The following HDGFL3 variants were observed in gnomAD, a reference collection of about 807,000 sequenced individuals.
HDGFL3 encodes HDGF like 3.
Under a neutral mutation model 27.6 loss-of-function variants are expected in HDGFL3, and 6 were observed. The observed-to-expected ratio is 0.22, with a 90% CI of 0.12 to 0.43. HDGFL3 has a LOEUF of 0.43. Among genes scored for constraint, HDGFL3 ranks in the 20% least tolerant of loss-of-function variants. HDGFL3 has a pLI of 1.00. For missense variants in HDGFL3, 207 were observed against 250.1 expected (o/e 0.83, Z 1.16); for synonymous variants, 88 against 88.9 (o/e 0.99, Z 0.05).
At chr15:83,173,097 A>G (rs996998780) in intron 1 of HDGFL3, among the ~76,000 whole-genome samples, 15 of 152,220 alleles carry the variant, frequency 9.9e-5, no homozygotes, top group African/African-American at 3.6e-4. Context: ...AACAAACCTT[A>G]TCATTCTTGA....
At chr15:83,195,102 T>C (rs956055172) in intron 1 of HDGFL3, among the ~76,000 whole-genome samples, 3 of 152,216 alleles carry the variant, frequency 2.0e-5, no homozygotes, top group African/African-American at 7.2e-5. Flanking sequence ...CCAGTCTTTT[T>C]GTAATAAATT....
At chr15:83,171,779 C>T (rs1347533702) in intron 1 of HDGFL3, among the ~76,000 whole-genome samples, 2 of 152,080 alleles carry the variant, frequency 1.3e-5, no homozygotes, top group Non-Finnish European at 2.9e-5. Flanking sequence ...GAAAACCTAA[C>T]CATTGGATAC....
At chr15:83,121,847 T>C (rs2035282117) in intron 3 of HDGFL3, 2 of 1,055,176 alleles carry the variant, frequency 1.9e-6, no homozygotes, top group Non-Finnish European at 2.9e-6. Context: ...CAAAATAATA[T>C]TGAAGATCAT....
chr15:83,161,672 A>G (rs1053775680), intron 2 of HDGFL3, among the ~76,000 whole-genome samples: 3 of 152,188 alleles, frequency 2.0e-5, no homozygotes, highest in African/African-American at 7.2e-5. Flanking sequence ...ACAACTGGCC[A>G]TGTTAGCTAC....
chr15:83,124,792 C>T (rs1782908165), downstream of HDGFL3: 3 of 1,578,652 alleles, frequency 1.9e-6, no homozygotes, highest in Non-Finnish European at 2.6e-6. Flanking sequence ...CATAACAGAT[C>T]ATAATAACGT....
chr15:83,188,312 G>A (rs2037470960), intron 1 of HDGFL3, among the ~76,000 whole-genome samples: 2 of 152,248 alleles, frequency 1.3e-5, no homozygotes, highest in South Asian at 4.1e-4. Context: ...GGAGGGCAGT[G>A]GTGATCTCAG....
chr15:83,164,190 T>C lies in HDGFL3; in HGVS notation c.85-115A>G, dbSNP rs75178382. The C allele has an allele frequency of 6.9e-3, 4,739 of 690,254 alleles. 164 individuals are homozygous for C. In the African/African-American group the frequency reaches 0.08, roughly 12 times the overall value. 42.8% of individuals were successfully genotyped at this position (690,254 alleles called of 1,614,324 possible). ...AAAATCAATCAAAACTCAGATAGTT[T>C]TTTAGAACTTTACAAAATGATTCTA... On this transcript the variant is annotated intron_variant, in intron 1 of 5. Coordinates refer to ENST00000299633, the MANE Select transcript of HDGFL3 (RefSeq NM_016073.4).
rs112519401 is a variant in HDGFL3, at chr15:83,186,396, A to C, written c.84+20935T>G. 1.7e-3 allele frequency among the ~76,000 whole-genome samples: 264 copies of C among 152,326 alleles called. 2 individuals are homozygous for C. Among genetic ancestry groups the C allele is most frequent in the African/African-American group, 6.1e-3 (253 of 41,574 alleles). On this transcript the variant is annotated intron_variant, in intron 1 of 5. Coordinates refer to ENST00000299633, the MANE Select transcript of HDGFL3 (RefSeq NM_016073.4). ...ACTACTAGCTGCTTATGGATTTGAT[A>C]TTAACCTATTGTAATTTCCATTCTA...
At chr15:83,198,254 CTG>C (rs1273073822) in intron 1 of HDGFL3, among the ~76,000 whole-genome samples, 9 of 152,000 alleles carry the variant, frequency 5.9e-5, no homozygotes, top group African/African-American at 2.2e-4. Flanking sequence ...TCATGTAAGA[CTG>C]TGGCTACAGC....
intron 4 of HDGFL3, 67 bp from the exon 5 acceptor site, chr15:83,151,428 C>A: frequency 7.4e-7 from 1 of 1,348,798 alleles, no homozygotes; most frequent in Non-Finnish European, 1.0e-6. Context: ...GTAAGAGATG[C>A]AGAAATAGCT....
chr15:83,182,268 T>C (rs1236564824), intron 1 of HDGFL3, among the ~76,000 whole-genome samples: 3 of 152,348 alleles, frequency 2.0e-5, no homozygotes, highest in East Asian at 3.9e-4. Context: ...TTAGTAGGCA[T>C]GAAGTAGTAT....
At chr15:83,161,949 A>G (rs2037106965) in intron 2 of HDGFL3, among the ~76,000 whole-genome samples, 1 of 152,204 alleles carries the variant, frequency 6.6e-6, no homozygotes, top group South Asian at 2.1e-4. Context: ...TGTTAGAAGC[A>G]GAAGAACTTG....
At chr15:83,147,329 G>A (rs2036910638) in intron 5 of HDGFL3, among the ~76,000 whole-genome samples, 1 of 151,930 alleles carries the variant, frequency 6.6e-6, no homozygotes, top group Non-Finnish European at 1.5e-5. Flanking sequence ...CAAAGTGCTG[G>A]GACTACAGGT....
At chr15:83,189,949 T>C (rs2037491579) in intron 1 of HDGFL3, among the ~76,000 whole-genome samples, 1 of 152,184 alleles carries the variant, frequency 6.6e-6, no homozygotes, top group Non-Finnish European at 1.5e-5. Context: ...TTGGGTTCTA[T>C]GATTCCAGCA....
chr15:83,173,293 T>G (rs959433030), intron 1 of HDGFL3, among the ~76,000 whole-genome samples: 2 of 152,212 alleles, frequency 1.3e-5, no homozygotes, highest in African/African-American at 4.8e-5. Context: ...ATAGATTACG[T>G]GAGATACTCA....
intron 1 of HDGFL3, among the ~76,000 whole-genome samples, chr15:83,204,925 A>C (rs1279357501): frequency 1.3e-5 from 2 of 152,170 alleles, no homozygotes; most frequent in Non-Finnish European, 2.9e-5. Context: ...CATCTTCCCT[A>C]GAGCAAGGAA....
Position 83,161,349 on chromosome 15 carries a change from C to T in HDGFL3, c.161+2650G>A, listed in dbSNP as rs375629449. 3.5e-4 allele frequency among the ~76,000 whole-genome samples: 53 copies of T among 152,234 alleles called. No individual in the cohort carries two copies. The South Asian group carries it at 7.7e-3, about 22-fold the overall frequency. On this transcript the variant is annotated intron_variant, in intron 2 of 5. Transcript: ENST00000299633. ...GGCTAATGTTATTTTTTTGTAGAGA[C>T]GGGATCTCACTATATTGCCCAGGCT...
At chr15:83,178,829 C>A (rs2037346077) in intron 1 of HDGFL3, among the ~76,000 whole-genome samples, 1 of 152,100 alleles carries the variant, frequency 6.6e-6, no homozygotes, top group Non-Finnish European at 1.5e-5. Context: ...GTGATTAATT[C>A]TTCTCTGATA....
chr15:83,195,454 A>C (rs573505958), intron 1 of HDGFL3, among the ~76,000 whole-genome samples: 1 of 152,208 alleles, frequency 6.6e-6, no homozygotes, highest in East Asian at 1.9e-4. Flanking sequence ...TGTCATCGAG[A>C]TCTACATATA....
Sources: allele counts gnomAD v4.1 joint callset (sites outside exome capture counted in the v4.1 genomes callset), GRCh38; gene constraint gnomAD v4.1.1; transcripts MANE v1.5; gene names NCBI Gene and HGNC (gene_info 2026-07-23, HGNC 2026-07-21).